The following CIZ1 variants were observed in gnomAD, a reference collection of about 807,000 sequenced individuals.
CIZ1 encodes the protein cip1-interacting zinc finger protein.
CIZ1 carries 58 observed loss-of-function variants against 118.6 expected under a neutral mutation model. The observed-to-expected ratio is 0.49, with a 90% confidence interval of 0.40 to 0.61. CIZ1 has a LOEUF of 0.61. Ranked by LOEUF, CIZ1 falls within the 20% of genes least tolerant of loss-of-function variation. CIZ1 has a pLI of 0.00. For synonymous variants in CIZ1, 448 were observed against 443.4 expected (o/e 1.01, Z -0.13); for missense variants, 921 against 1,115.9 (o/e 0.83, Z 2.49).
At chr9:128,183,312 G>A (rs887357176) in intron 5 of CIZ1, among the ~76,000 whole-genome samples, 9 of 152,212 alleles carry the variant, frequency 5.9e-5, no homozygotes, top group South Asian at 4.1e-4. Context: ...GCTGTGGGGC[G>A]CAGGACCAAC....
In CIZ1 at chr9:128,203,646, C is replaced by G; in HGVS notation, c.-6+540G>C. On this transcript the variant is annotated intron_variant, in intron 1 of 17. Transcript: ENST00000372948. The surrounding 1 kb of genome is among the most constrained non-coding windows in gnomAD (Gnocchi z 5.3). ...TTCGTAGGCAGGTAGGCGCGGCGCG[C>G]CCCCAGGCGCCGACCCCCGACCCCC... is the stretch of plus-strand genomic sequence containing the variant. The G allele has an allele frequency of 6.6e-7, 1 of 1,506,378 alleles. No homozygotes were observed. Among genetic ancestry groups the G allele is most frequent in the South Asian group, 1.2e-5 (1 of 81,602 alleles). 93.3% of individuals were successfully genotyped at this position (1,506,378 alleles called of 1,614,324 possible). A position where few individuals can be genotyped will look rare whatever the true frequency, so the allele number is the denominator to read the frequency against.
At chr9:128,174,080 T>C (rs955010419) in intron 11 of CIZ1, among the ~76,000 whole-genome samples, 2 of 151,186 alleles carry the variant, frequency 1.3e-5, no homozygotes, top group East Asian at 3.9e-4. Context: ...TCACAGCACC[T>C]GCCCTGGGGG....
Position 128,166,421 on chromosome 9 carries a change from T to C in CIZ1, c.2488-15A>G. ...GCCTTGTATTTCTGGATACAGAAGG[T>C]GCAGGTAAGGTCAGGGTCTCCTCCC... On this transcript the variant is annotated splice_polypyrimidine_tract_variant and intron_variant, in intron 16 of 16. Transcript: ENST00000372938. This position sits in a 1 kb window ranked among gnomAD's most constrained non-coding sequence, Gnocchi z 4.4. The C allele has an allele frequency of 6.6e-7, 1 of 1,510,810 alleles. No homozygotes were observed. Among genetic ancestry groups the C allele is most frequent in the Non-Finnish European group, 8.9e-7 (1 of 1,122,300 alleles). 93.6% of individuals were successfully genotyped at this position (1,510,810 alleles called of 1,614,324 possible).
intron 4 of CIZ1, among the ~76,000 whole-genome samples, chr9:128,187,405 C>T (rs1832517138): frequency 2.0e-5 from 3 of 152,184 alleles, no homozygotes; most frequent in Non-Finnish European, 4.4e-5. Context: ...GCTGTGAGCG[C>T]TGGGTTCAAA....
In CIZ1 at chr9:128,187,927, G is replaced by C. The variant is rs1832586661; in HGVS notation, c.294C>G (p.Asp98Glu). ...ACGTGGCTGGTGGCATTGCAAACTG[G>C]TCCAGTCCTTTAGGAAAGCAATTCG... ...ALLLQQLQGL[D>E]QFAMPPATYD... The change falls in exon 4 of 17, where the codon GAC becomes GAG. Residue 98 changes from aspartate to glutamate, a missense_variant. Transcript: ENST00000372938. 5 of 749,246 alleles carry C rather than the reference G, an allele frequency of 6.7e-6. No individual in the cohort carries two copies. The highest frequency in any genetic ancestry group is 1.2e-5 in the Non-Finnish European group (5 of 401,480). 46.4% of individuals were successfully genotyped at this position (749,246 alleles called of 1,614,324 possible). A position where few individuals can be genotyped will look rare whatever the true frequency, so the allele number is the denominator to read the frequency against.
At chr9:128,192,616 C>T (rs993691538), upstream of CIZ1, among the ~76,000 whole-genome samples, 1 of 152,188 alleles carries the variant, frequency 6.6e-6, no homozygotes, top group Non-Finnish European at 1.5e-5. Flanking sequence ...GATCTGGGCT[C>T]ACCGCAACCT....
At chr9:128,172,357 T>C (rs910165100) in intron 11 of CIZ1, among the ~76,000 whole-genome samples, 3 of 151,562 alleles carry the variant, frequency 2.0e-5, no homozygotes, top group Admixed American at 2.0e-4. Flanking sequence ...ATCCAGGCGT[T>C]GTGGCAGGCA....
chr9:128,191,418 C>T lies in CIZ1; in HGVS notation c.-6+14G>A, dbSNP rs1272234240. ...AGGCGGAGCCCCACGACCCAGCCGCCCCCGGCCCCGCACCTCGCCTCCCCG... is the reference window on the plus strand; with the variant it reads ...AGGCGGAGCCCCACGACCCAGCCGCTCCCGGCCCCGCACCTCGCCTCCCCG... On this transcript the variant is annotated intron_variant, in intron 1 of 16. Transcript: ENST00000372938. The surrounding 1 kb of genome is among the most constrained non-coding windows in gnomAD (Gnocchi z 5.5). 8.7e-6 allele frequency: 8 copies of T among 924,572 alleles called. 1 individual carries two copies. In the Admixed American group the frequency reaches 3.7e-4, roughly 42 times the overall value. 57.3% of individuals were successfully genotyped at this position (924,572 alleles called of 1,614,324 possible). A position where few individuals can be genotyped will look rare whatever the true frequency, so the allele number is the denominator to read the frequency against.
Position 128,166,304 on chromosome 9 carries a change from C to T in CIZ1, c.2590G>A (p.Gly864Ser), listed in dbSNP as rs555112968. 9 of 1,566,318 alleles carry T rather than the reference C, an allele frequency of 5.7e-6. No individual in the cohort carries two copies. The highest frequency in any genetic ancestry group is 4.0e-5 in the African/African-American group (3 of 74,158). ...NALTALFTSS[G>S]RPPSQPNTQD... is the part of the protein sequence containing the mutation. The stretch of plus-strand genomic sequence containing the variant: ...GTGTTGGGCTGGGAGGGTGGGCGGC[C>T]GCTGGAGGTGAACAGGGCTGTCAAA... The change falls in exon 17 of 17, where the codon GGC becomes AGC. Residue 864 changes from glycine (G) to serine (S), a missense_variant. Gly to Ser is a moderately conservative substitution (Grantham distance 56). Coordinates refer to ENST00000372938, the MANE Select transcript of CIZ1 (RefSeq NM_001131016.2). This position sits in a 1 kb window ranked among gnomAD's most constrained non-coding sequence, Gnocchi z 4.4.
rs758712379 is a variant in CIZ1, at chr9:128,178,479, T to C, written c.1510A>G (p.Thr504Ala). The change falls in exon 9 of 17, where the codon ACC (threonine) becomes GCC (alanine). Residue 504 changes from threonine (T) to alanine (A), a missense_variant. Coordinates refer to ENST00000372938, the MANE Select transcript of CIZ1 (RefSeq NM_001131016.2). ...TGGGTGCCCACAGGCTCTGGCAAGG[T>C]CTTTTCCATGCCTGAAATGACAGAT... is the stretch of plus-strand genomic sequence containing the variant. ...AVEAGGGMEK[T>A]LPEPVGTQVS... 7 of 1,614,032 alleles carry C rather than the reference T, an allele frequency of 4.3e-6. No homozygotes were observed. In the African/African-American group the frequency reaches 8.0e-5, roughly 18 times the overall value.
chr9:128,185,632 G>T lies in CIZ1; in HGVS notation c.503C>A (p.Pro168His). The change falls in exon 5 of 17, where the codon CCC (proline) becomes CAC (histidine). Residue 168 changes from proline to histidine, a missense_variant. Physicochemically the swap from Pro to His is moderately conservative, Grantham distance 77 (BLOSUM62 -2). Transcript: ENST00000372938. ...SLLGPPPVGV[P>H]MNPSQFNLSG... is the part of the protein sequence containing the mutation. ...AAGGTTGAACTGGGAAGGGTTCATG[G>T]GGACCCCAACAGGAGGAGGTCCCAG... The T allele has an allele frequency of 6.4e-7, 1 of 1,572,300 alleles. No individual in the cohort carries two copies. Among genetic ancestry groups the T allele is most frequent in the East Asian group, 2.3e-5 (1 of 44,346 alleles).
At chr9:128,199,691 C>A (rs1833462775) in intron 1 of CIZ1, among the ~76,000 whole-genome samples, 1 of 151,626 alleles carries the variant, frequency 6.6e-6, no homozygotes, top group Admixed American at 6.6e-5. Flanking sequence ...GGCAGCTGAG[C>A]AAGGTTTATC....
chr9:128,194,554 C>G (rs922371386), upstream of CIZ1, among the ~76,000 whole-genome samples: 1 of 151,632 alleles, frequency 6.6e-6, no homozygotes, highest in South Asian at 2.1e-4. Context: ...TGGTGGCTCA[C>G]GCCTACAATC....
intron 11 of CIZ1, among the ~76,000 whole-genome samples, chr9:128,173,780 G>A (rs551477434): frequency 6.6e-6 from 1 of 152,096 alleles, no homozygotes; most frequent in Non-Finnish European, 1.5e-5. Context: ...GCCAAGGCGG[G>A]CAGATCACAA....
chr9:128,180,452 A>G lies in CIZ1; in HGVS notation c.754T>C (p.Cys252Arg). 1 of 1,614,006 alleles carries G rather than the reference A, an allele frequency of 6.2e-7. No individual in the cohort carries two copies. Among genetic ancestry groups the G allele is most frequent in the Non-Finnish European group, 8.5e-7 (1 of 1,179,964 alleles). The change falls in exon 7 of 17, where the codon TGT (cysteine) becomes CGT (arginine). Residue 252 changes from cysteine (C) to arginine (R), a missense_variant. Physicochemically the swap from Cys to Arg is radical, Grantham distance 180. Transcript: ENST00000372938. Reference sequence around the variant, plus strand: ...TTTGCTGGCAGCTCGGACGCCTCACAAGGCTCAGGCTCAGGTGCTGGAGTG... The same window carrying G: ...TTTGCTGGCAGCTCGGACGCCTCACGAGGCTCAGGCTCAGGTGCTGGAGTG... ...KRTPAPEPEP[C>R]EASELPAKRL...
chr9:128,202,326 A>C (rs1203123968), intron 1 of CIZ1, among the ~76,000 whole-genome samples: 1 of 152,162 alleles, frequency 6.6e-6, no homozygotes, highest in East Asian at 1.9e-4. Context: ...TCTTAAATGC[A>C]GAGATGGACG....
intron 3 of CIZ1, among the ~76,000 whole-genome samples, chr9:128,188,626 A>G (rs1190203319): frequency 6.7e-6 from 1 of 149,078 alleles, no homozygotes; most frequent in Non-Finnish European, 1.5e-5. Flanking sequence ...AGTGTGAGTT[A>G]TTTTCCTTTT....
At chr9:128,176,856 G>A (rs1830920202) in intron 10 of CIZ1, among the ~76,000 whole-genome samples, 1 of 152,148 alleles carries the variant, frequency 6.6e-6, no homozygotes, top group Non-Finnish European at 1.5e-5. Flanking sequence ...GGACTCCAAT[G>A]TCACATTGCT....
chr9:128,177,546 CTT>C lies in CIZ1; in HGVS notation c.1818+18_1818+19del. 3 of 1,353,450 alleles carry C rather than the reference CTT, an allele frequency of 2.2e-6. No individual in the cohort carries two copies. The highest frequency in any genetic ancestry group is 3.0e-6 in the Non-Finnish European group (3 of 1,013,752). 83.8% of individuals were successfully genotyped at this position (1,353,450 alleles called of 1,614,324 possible). ...CACGCAGGCCCCACCCCTCCCCACCCTTATCTCCTGTATCAGTACCTGCTGGC... is the reference window on the plus strand; with the variant it reads ...CACGCAGGCCCCACCCCTCCCCACCCATCTCCTGTATCAGTACCTGCTGGC... On this transcript the variant is annotated intron_variant, in intron 10 of 16. Coordinates refer to ENST00000372938, the MANE Select transcript of CIZ1 (RefSeq NM_001131016.2).
Sources: allele counts gnomAD v4.1 joint callset (sites outside exome capture counted in the v4.1 genomes callset), GRCh38; gene constraint gnomAD v4.1.1; non-coding constraint Gnocchi (gnomAD v3.1); transcripts MANE v1.5; gene names NCBI Gene and HGNC (gene_info 2026-07-23, HGNC 2026-07-21).